The following PCM1 variants were observed in gnomAD, a reference collection of about 807,000 sequenced individuals.
PCM1 encodes the protein pericentriolar material 1, also known as pericentriolar material 1 protein.
In PCM1, 157 loss-of-function variants were observed where a neutral mutation model predicts 241.9. The ratio of observed to expected loss-of-function variants is 0.65; its 90% CI spans 0.57 to 0.74. The LOEUF (loss-of-function observed/expected upper bound fraction) is 0.74. PCM1 is among the 30% of genes least tolerant of loss of function. PCM1 has a pLI of 0.00. For missense variants in PCM1, 3,478 were observed against 2,360.1 expected (o/e 1.47, Z -9.81); for synonymous variants, 1,085 against 784.9 (o/e 1.38, Z -6.39).
chr8:17,946,841 G>T (rs1429913879), intron 6 of PCM1, among the ~76,000 whole-genome samples: 1 of 147,704 alleles, frequency 6.8e-6, no homozygotes, highest in Non-Finnish European at 1.5e-5. Flanking sequence ...CAGTGTGTGT[G>T]TGTGTGTGTG....
At chr8:17,984,065 A>G (rs776827766) in intron 24 of PCM1, among the ~76,000 whole-genome samples, 8 of 152,120 alleles carry the variant, frequency 5.3e-5, no homozygotes, top group Non-Finnish European at 8.8e-5. Flanking sequence ...AAACTGGCAT[A>G]AACTTTCCAC....
chr8:18,011,205 G>A, intron 32 of PCM1, 32 bp from the exon 33 acceptor site: 1 of 1,523,910 alleles, frequency 6.6e-7, no homozygotes, highest in South Asian at 1.3e-5. Flanking sequence ...TGTACTTTAA[G>A]GAATTAATTA....
rs771682065 is a variant in PCM1 at position 18,028,497 on chromosome 8, T to G, written c.*835T>G. 54 of 198,348 alleles carry G rather than the reference T, an allele frequency of 2.7e-4. No homozygotes were observed. The highest frequency in any genetic ancestry group is 4.9e-4 in the Non-Finnish European group (47 of 95,840). 12.3% of individuals were successfully genotyped at this position (198,348 alleles called of 1,614,324 possible). On this transcript the variant is annotated 3_prime_UTR_variant, in exon 39 of 39. Coordinates refer to ENST00000325083, the MANE Select transcript of PCM1 (RefSeq NM_006197.4). ...GTGGGGATAAATAATACAACTAAAT[T>G]TCTGTAATAGTAAGATTCTGTATGC...
chr8:17,992,953 T>C (rs1017224969), intron 28 of PCM1, among the ~76,000 whole-genome samples: 86 of 151,176 alleles, frequency 5.7e-4, no homozygotes, highest in African/African-American at 1.8e-3. Flanking sequence ...TTTTTTTTTT[T>C]CCTGATTTGT....
chr8:17,949,631 A>G (rs1335798570), intron 7 of PCM1, among the ~76,000 whole-genome samples: 1 of 151,790 alleles, frequency 6.6e-6, no homozygotes, highest in Non-Finnish European at 1.5e-5. Flanking sequence ...CTGAATAGCT[A>G]GGAATACAGG....
intron 1 of PCM1, 41 bp from the exon 2 acceptor site, chr8:17,924,668 CGTAA>C (rs2056194462): frequency 6.6e-6 from 1 of 152,138 alleles, no homozygotes; most frequent in Non-Finnish European, 1.5e-5. Context: ...TATTTCATAG[CGTAA>C]GTAATTTACT....
chr8:18,022,382 C>A (rs2093825893), intron 36 of PCM1, among the ~76,000 whole-genome samples: 1 of 152,186 alleles, frequency 6.6e-6, no homozygotes, highest in Admixed American at 6.5e-5. Flanking sequence ...CCTCTAAGGT[C>A]TGATGTTCAA....
At chr8:18,026,621 G>C (rs2094237378) in intron 38 of PCM1, among the ~76,000 whole-genome samples, 2 of 151,948 alleles carry the variant, frequency 1.3e-5, no homozygotes, top group Non-Finnish European at 2.9e-5. Flanking sequence ...TAAATATTAT[G>C]ATTCTTAGTT....
chr8:17,926,411 G>A (rs925911114), intron 2 of PCM1: 5 of 152,210 alleles, frequency 3.3e-5, no homozygotes, highest in Admixed American at 6.5e-5. Context: ...GCTAGGCAAC[G>A]TGCTATGTAA....
intron 29 of PCM1, among the ~76,000 whole-genome samples, chr8:17,998,801 G>C (rs770097460): frequency 3.9e-5 from 6 of 152,054 alleles, no homozygotes; most frequent in Non-Finnish European, 8.8e-5. Context: ...TGGGTCCACA[G>C]ATACTGTCCT....
intron 21 of PCM1, among the ~76,000 whole-genome samples, chr8:17,967,731 A>G (rs973067109): frequency 7.9e-5 from 12 of 152,396 alleles, no homozygotes; most frequent in Admixed American, 5.2e-4. Flanking sequence ...TGGCTGCTGT[A>G]TACTAGGCAC....
chr8:18,015,060 A>C (rs1485595858), intron 36 of PCM1, among the ~76,000 whole-genome samples: 4 of 152,184 alleles, frequency 2.6e-5, no homozygotes, highest in African/African-American at 9.7e-5. Context: ...TTGAGAACCA[A>C]AGGGATAAAA....
chr8:18,025,376 AAT>A lies in PCM1; in HGVS notation c.5861_5862del (p.Ile1954LysfsTer5). 1 of 1,588,440 alleles carries A rather than the reference AAT, an allele frequency of 6.3e-7. No homozygotes were observed. The highest frequency in any genetic ancestry group is 8.6e-7 in the Non-Finnish European group (1 of 1,160,646). The stretch of plus-strand genomic sequence containing the variant: ...TACATTACAGGAAGCAGAATCTGGT[AAT>A]ATAAGTCAAAAGTCTGATGAAGAAG... ...LVNDYEAESG[N>X]ISQKSDEEDF... On this transcript the variant is annotated frameshift_variant, in exon 37 of 39. Transcript: ENST00000325083. LOFTEE classifies it high-confidence loss of function.
At chr8:17,924,432 G>C (rs1425193075) in intron 1 of PCM1, among the ~76,000 whole-genome samples, 1 of 152,208 alleles carries the variant, frequency 6.6e-6, no homozygotes, top group Non-Finnish European at 1.5e-5. Context: ...ACTATTAAAG[G>C]ATAGTTAGGG....
chr8:17,976,049 G>C (rs567010861), intron 23 of PCM1, among the ~76,000 whole-genome samples: 2 of 152,104 alleles, frequency 1.3e-5, no homozygotes, highest in African/African-American at 4.8e-5. Flanking sequence ...AGCCTTCTGG[G>C]TTCTTACTGT....
At position 17,950,755 on chromosome 8, in the gene PCM1, T is replaced by A. The variant is rs774049150; in HGVS notation, c.1071+31T>A. The A allele has an allele frequency of 7.6e-6, 9 of 1,182,940 alleles. No individual in the cohort carries two copies. In the Admixed American group the frequency reaches 1.4e-4, roughly 18 times the overall value. The allele number at this position is 1,182,940 out of a possible 1,614,324, so 73.3% of individuals were successfully genotyped here. A position where few individuals can be genotyped will look rare whatever the true frequency, so the allele number is the denominator to read the frequency against. On this transcript the variant is annotated intron_variant, in intron 8 of 38. Coordinates refer to ENST00000325083, the MANE Select transcript of PCM1 (RefSeq NM_006197.4). ...CTAGATGTTTTAGTATAGTTGAGTT[T>A]AAAAAATCACATTAATTAGAACAGT...
At position 17,939,880 on chromosome 8, in the gene PCM1, A is replaced by C; in HGVS notation, c.783+19A>C. ...AATCCTTGTAAGTATTCGACTTTTA[A>C]AATAACATATTATTTTTGTAGTATC... On this transcript the variant is annotated intron_variant, in intron 6 of 38. Coordinates refer to ENST00000325083, the MANE Select transcript of PCM1 (RefSeq NM_006197.4). 1.5e-6 allele frequency: 2 copies of C among 1,369,094 alleles called. No homozygotes were observed. Among genetic ancestry groups the C allele is most frequent in the Non-Finnish European group, 2.0e-6 (2 of 995,580 alleles). 84.8% of individuals were successfully genotyped at this position (1,369,094 alleles called of 1,614,324 possible).
chr8:17,997,120 G>A (rs1288618957), intron 29 of PCM1, among the ~76,000 whole-genome samples: 1 of 151,828 alleles, frequency 6.6e-6, no homozygotes, highest in African/African-American at 2.4e-5. Flanking sequence ...GTCTGGGAAA[G>A]TATTTCTCCT....
chr8:17,928,549 C>G (rs1475014601), intron 2 of PCM1, among the ~76,000 whole-genome samples: 1 of 151,878 alleles, frequency 6.6e-6, no homozygotes, highest in Non-Finnish European at 1.5e-5. Flanking sequence ...CCAATGGCCC[C>G]CGCTTTCTCA....
Sources: gnomAD v4.1 joint callset for allele counts (sites outside exome capture counted in the v4.1 genomes callset) on GRCh38, gnomAD v4.1.1 for gene constraint, MANE v1.5 for transcripts, NCBI Gene and HGNC (gene_info 2026-07-23, HGNC 2026-07-21) for gene names.